Variants in OLFM2 observed in about 807,000 individuals in gnomAD.
OLFM2 encodes the protein olfactomedin 2.
In OLFM2, 20 loss-of-function variants were observed where a neutral mutation model predicts 43.9. That is an observed-to-expected ratio of 0.46 (90% confidence interval 0.32 to 0.66). The LOEUF is 0.66. Ranked by LOEUF, OLFM2 falls within the 30% of genes least tolerant of loss-of-function variation. The pLI is 0.04. For missense variants in OLFM2, 416 were observed against 643.6 expected, an observed-to-expected ratio of 0.65 and a Z score of 3.83; for synonymous variants, 268 against 278.6, an observed-to-expected ratio of 0.96 and a Z score of 0.38.
At chr19:9,882,010 G>A (rs2046543779) in intron 1 of OLFM2, among the ~76,000 whole-genome samples, 1 of 152,072 alleles carries the variant, frequency 6.6e-6, no homozygotes, top group South Asian at 2.1e-4. Flanking sequence ...CGAGGCGGGT[G>A]GATGGCTTGA....
intron 2 of OLFM2, chr19:9,858,191 TTCC>T: frequency 5.0e-6 from 2 of 403,218 alleles, no homozygotes; most frequent in Non-Finnish European, 9.5e-6. Context: ...TTAGATCACC[TTCC>T]TCCTCCACAG....
chr19:9,862,516 TA>T (rs61144282), intron 1 of OLFM2, among the ~76,000 whole-genome samples: 1,796 of 136,914 alleles, frequency 0.013, 7 homozygotes, highest in African/African-American at 0.03. Context: ...TACTAAAAAT[TA>T]AAAAAAAAAA....
chr19:9,887,066 C>T (rs1172946479), intron 1 of OLFM2, among the ~76,000 whole-genome samples: 4 of 152,218 alleles, frequency 2.6e-5, no homozygotes, highest in Non-Finnish European at 5.9e-5. Flanking sequence ...GCTGTGTCCT[C>T]AAAACAGAAC....
At chr19:9,883,919 C>T (rs1481624435) in intron 1 of OLFM2, among the ~76,000 whole-genome samples, 1 of 152,152 alleles carries the variant, frequency 6.6e-6, no homozygotes, top group Non-Finnish European at 1.5e-5. Flanking sequence ...CAGCATCCCC[C>T]TCTTAGGGCA....
intron 1 of OLFM2, among the ~76,000 whole-genome samples, chr19:9,935,712 G>A (rs904496831): frequency 1.3e-5 from 2 of 152,056 alleles, no homozygotes; most frequent in Non-Finnish European, 2.9e-5. Flanking sequence ...CTCACGTACT[G>A]ATCACACCCC....
chr19:9,871,271 A>C (rs968722769), intron 1 of OLFM2, among the ~76,000 whole-genome samples: 6 of 142,580 alleles, frequency 4.2e-5, no homozygotes, highest in African/African-American at 7.9e-5. Context: ...ATCCTGTCTA[A>C]AAAAAAAAAT....
intron 1 of OLFM2, among the ~76,000 whole-genome samples, chr19:9,884,737 T>C (rs1447270996): frequency 3.3e-5 from 5 of 152,184 alleles, no homozygotes; most frequent in Admixed American, 2.6e-4. Flanking sequence ...ACAAAGTTCT[T>C]ATATTTTATT....
chr19:9,866,755 A>G lies in OLFM2; in HGVS notation c.64-5961T>C, dbSNP rs2046404992. On this transcript the variant is annotated intron_variant, in intron 1 of 5. Transcript: ENST00000264833. ...AGTGATCCACCCGCCTTGGCCTCCC[A>G]AAGTGCTGGAATTATAGGCGTGAGC... Among the ~76,000 whole-genome samples, 3 of 151,974 alleles carry G rather than the reference A, an allele frequency of 2.0e-5. No homozygotes were observed. In the South Asian group the frequency reaches 6.2e-4, roughly 32 times the overall value.
chr19:9,933,344 C>G (rs187749205), intron 1 of OLFM2, among the ~76,000 whole-genome samples: 2 of 152,202 alleles, frequency 1.3e-5, no homozygotes, highest in African/African-American at 4.8e-5. Flanking sequence ...TCAAGCAATT[C>G]GCCTGCCTCA....
At chr19:9,874,870 T>C (rs1346293508) in intron 1 of OLFM2, among the ~76,000 whole-genome samples, 2 of 152,180 alleles carry the variant, frequency 1.3e-5, no homozygotes, top group Non-Finnish European at 2.9e-5. Context: ...TGCCTCGGCC[T>C]CACAAAGTGC....
chr19:9,906,773 T>C (rs555625506), intron 1 of OLFM2, among the ~76,000 whole-genome samples: 23 of 152,236 alleles, frequency 1.5e-4, no homozygotes, highest in Non-Finnish European at 3.2e-4. Context: ...TGGCTTGGCC[T>C]TCCCCATCTC....
At chr19:9,858,434 C>T (rs747979834) in intron 2 of OLFM2, among the ~76,000 whole-genome samples, 7 of 152,110 alleles carry the variant, frequency 4.6e-5, no homozygotes, top group African/African-American at 7.2e-5. Flanking sequence ...GTCCGGTAGC[C>T]GCTCACTCAC....
intron 1 of OLFM2, among the ~76,000 whole-genome samples, chr19:9,883,811 G>A (rs750715664): frequency 3.7e-4 from 56 of 152,200 alleles, no homozygotes; most frequent in Admixed American, 1.0e-3. Flanking sequence ...ATGTGTGCAC[G>A]GGGGACCTCA....
chr19:9,919,816 A>T (rs1326275241), intron 1 of OLFM2, among the ~76,000 whole-genome samples: 1 of 108,176 alleles, frequency 9.2e-6, no homozygotes, highest in Non-Finnish European at 1.8e-5. Flanking sequence ...TTTTTTTGAG[A>T]CAGAGTCTTG....
chr19:9,935,074 G>A (rs772908012), intron 1 of OLFM2, among the ~76,000 whole-genome samples: 3 of 152,058 alleles, frequency 2.0e-5, no homozygotes, highest in Non-Finnish European at 4.4e-5. Context: ...TGTCACTCTC[G>A]AGCTTGAGCA....
intron 1 of OLFM2, among the ~76,000 whole-genome samples, chr19:9,914,753 C>T (rs934105575): frequency 1.3e-5 from 2 of 152,084 alleles, no homozygotes; most frequent in African/African-American, 2.4e-5. Context: ...CCGGCGGCGG[C>T]AGCCGCTGGG....
At chr19:9,859,304 G>GA (rs2046348450) in intron 2 of OLFM2, among the ~76,000 whole-genome samples, 2 of 106,520 alleles carry the variant, frequency 1.9e-5, no homozygotes, top group Non-Finnish European at 4.1e-5. Context: ...CAATTTGTAA[G>GA]TTTTATTTAT....
rs34305631 is a variant in OLFM2, at chr19:9,908,464, A to AT, written c.63+27839dup. 2.4e-3 allele frequency among the ~76,000 whole-genome samples: 96 copies of AT among 40,368 alleles called. 4 individuals are homozygous for AT. Among genetic ancestry groups the AT allele is most frequent in the African/African-American group, 5.7e-3 (47 of 8,246 alleles). 26.5% of individuals were successfully genotyped at this position (40,368 alleles called of 152,430 possible). A position where few individuals can be genotyped will look rare whatever the true frequency, so the allele number is the denominator to read the frequency against. On this transcript the variant is annotated intron_variant, in intron 1 of 5. Coordinates refer to ENST00000264833, the MANE Select transcript of OLFM2 (RefSeq NM_058164.4). Reference sequence around the variant, plus strand: ...AGGTGCCTGCCATCACACCTGGCTAATTTTTTTTTTTTTTTTTTTTTTTTT... The same window carrying AT: ...AGGTGCCTGCCATCACACCTGGCTAATTTTTTTTTTTTTTTTTTTTTTTTTT...
chr19:9,927,772 A>G (rs2086462061), intron 1 of OLFM2, among the ~76,000 whole-genome samples: 2 of 152,366 alleles, frequency 1.3e-5, no homozygotes, highest in South Asian at 4.1e-4. Context: ...AATTAGGAAC[A>G]GAAACAATGT....
Sources: allele counts gnomAD v4.1 joint callset (sites outside exome capture counted in the v4.1 genomes callset), GRCh38; gene constraint gnomAD v4.1.1; transcripts MANE v1.5; gene names NCBI Gene and HGNC (gene_info 2026-07-23, HGNC 2026-07-21).